The following RAB38 variants were observed in gnomAD, a reference collection of about 807,000 sequenced individuals.
RAB38 encodes ras-related protein Rab-38.
Under a neutral mutation model 18.4 loss-of-function variants are expected in RAB38, and 15 were observed. The observed-to-expected ratio is 0.82, with a 90% CI of 0.55 to 1.26. The LOEUF (loss-of-function observed/expected upper bound fraction) is 1.26. RAB38 is among the 50% of genes most tolerant of loss of function. The probability of loss-of-function intolerance (pLI) is 0.00; values close to 1 mark genes in which losing one functional copy is unlikely to be tolerated. For synonymous variants in RAB38, 101 were observed against 104.4 expected, an observed-to-expected ratio of 0.97 and a Z score of 0.20; for missense variants, 294 against 267.4, an observed-to-expected ratio of 1.10 and a Z score of -0.69.
chr11:87,922,552 AT>A, the RAB38 span, among the ~76,000 whole-genome samples: 1 of 144,650 alleles, frequency 6.9e-6, no homozygotes, highest in African/African-American at 2.7e-5. Context: ...TCCAAGCCTC[AT>A]TTTTCTCACC....
chr11:87,882,387 C>T, the RAB38 span, among the ~76,000 whole-genome samples: 12,172 of 151,864 alleles, frequency 0.08, 632 homozygotes, highest in Admixed American at 0.13. Context: ...CAAATATCTG[C>T]GCCCCATCAG....
intron 2 of RAB38, among the ~76,000 whole-genome samples, chr11:88,143,370 T>C (rs985868398): frequency 2.6e-5 from 4 of 152,248 alleles, no homozygotes; most frequent in Non-Finnish European, 5.9e-5. Flanking sequence ...ATTGAAGCTC[T>C]GCAGGCTATA....
At chr11:87,916,216 G>A in the RAB38 span, among the ~76,000 whole-genome samples, 4,738 of 152,188 alleles carry the variant, frequency 0.031, 104 homozygotes, top group Middle Eastern at 0.096. Context: ...CATCAGTATT[G>A]AGGGGCCAGG....
chr11:87,889,397 A>G, the RAB38 span, among the ~76,000 whole-genome samples: 2 of 151,946 alleles, frequency 1.3e-5, no homozygotes, highest in Non-Finnish European at 2.9e-5. Flanking sequence ...TCTTTCAAGA[A>G]TCTGCTCAAG....
At chr11:88,015,807 T>G in the RAB38 span, among the ~76,000 whole-genome samples, 1 of 152,144 alleles carries the variant, frequency 6.6e-6, no homozygotes, top group Non-Finnish European at 1.5e-5. Context: ...CCAGTTGGGC[T>G]TTGGAGCCTT....
At chr11:88,035,583 G>A in the RAB38 span, among the ~76,000 whole-genome samples, 27 of 152,170 alleles carry the variant, frequency 1.8e-4, no homozygotes, top group African/African-American at 5.3e-4. Flanking sequence ...ATATTCAAGG[G>A]CAAGAAGAGT....
At chr11:88,035,975 T>G in the RAB38 span, among the ~76,000 whole-genome samples, 1 of 152,028 alleles carries the variant, frequency 6.6e-6, no homozygotes, top group Admixed American at 6.6e-5. Flanking sequence ...TCAGTCCCCA[T>G]ATGAGCAAAA....
the RAB38 span, among the ~76,000 whole-genome samples, chr11:87,890,233 T>A: frequency 1.2e-3 from 183 of 151,990 alleles, no homozygotes; most frequent in African/African-American, 4.3e-3. Flanking sequence ...TCCAGACTAT[T>A]TATAATATGT....
the RAB38 span, among the ~76,000 whole-genome samples, chr11:87,817,854 G>A: frequency 2.0e-5 from 3 of 152,024 alleles, no homozygotes; most frequent in South Asian, 2.1e-4. Flanking sequence ...AAATGCAGTC[G>A]AGGCAAAAAG....
chr11:88,027,697 C>A, the RAB38 span, among the ~76,000 whole-genome samples: 10,892 of 152,124 alleles, frequency 0.072, 616 homozygotes, highest in African/African-American at 0.14. Flanking sequence ...CCCAGGCTTG[C>A]TTAGGTAAAC....
At chr11:87,807,971 A>G in the RAB38 span, among the ~76,000 whole-genome samples, 1 of 152,224 alleles carries the variant, frequency 6.6e-6, no homozygotes, top group Admixed American at 6.5e-5. Flanking sequence ...GGCATGTCCT[A>G]TTGGCAGAGC....
At chr11:87,952,957 T>TTAA in the RAB38 span, among the ~76,000 whole-genome samples, 2 of 136,620 alleles carry the variant, frequency 1.5e-5, no homozygotes, top group Non-Finnish European at 3.5e-5. Flanking sequence ...GTTTTAAATG[T>TTAA]TTTTAATTTT....
the RAB38 span, among the ~76,000 whole-genome samples, chr11:87,905,373 C>T: frequency 6.6e-6 from 1 of 151,174 alleles, no homozygotes; most frequent in Non-Finnish European, 1.5e-5. Context: ...TGACTTTTCT[C>T]ATACTTATAG....
the RAB38 span, among the ~76,000 whole-genome samples, chr11:87,915,036 T>C: frequency 2.0e-5 from 3 of 152,128 alleles, no homozygotes; most frequent in African/African-American, 7.2e-5. Flanking sequence ...GCAGAGCCAC[T>C]ACAGAGAATC....
At chr11:88,132,873 T>A (rs968128155) in intron 2 of RAB38, among the ~76,000 whole-genome samples, 7 of 152,214 alleles carry the variant, frequency 4.6e-5, no homozygotes, top group Middle Eastern at 3.4e-3. Context: ...TACATGTGAG[T>A]TCAAGTTATC....
chr11:88,162,464 G>A (rs1943197584), intron 1 of RAB38, among the ~76,000 whole-genome samples: 1 of 141,050 alleles, frequency 7.1e-6, no homozygotes, highest in African/African-American at 2.6e-5. Context: ...TCCTCTCCCA[G>A]TGGATTTGCA....
the RAB38 span, among the ~76,000 whole-genome samples, chr11:87,940,031 C>T: frequency 6.6e-6 from 1 of 151,378 alleles, no homozygotes; most frequent in Non-Finnish European, 1.5e-5. Context: ...AATTGAAAAA[C>T]CAGAAAAACA....
chr11:87,894,421 A>T, the RAB38 span, among the ~76,000 whole-genome samples: 1 of 151,692 alleles, frequency 6.6e-6, no homozygotes, highest in East Asian at 2.0e-4. Context: ...TCATGTTAAT[A>T]ATATATCACA....
chr11:87,929,973 A>T, the RAB38 span, among the ~76,000 whole-genome samples: 8 of 152,134 alleles, frequency 5.3e-5, no homozygotes, highest in African/African-American at 1.9e-4. Flanking sequence ...ATTGTTGGAC[A>T]TTTGGCTAGG....
Sources: allele counts gnomAD v4.1 joint callset (sites outside exome capture counted in the v4.1 genomes callset), GRCh38; gene constraint gnomAD v4.1.1; transcripts MANE v1.5; gene names NCBI Gene and HGNC (gene_info 2026-07-23, HGNC 2026-07-21).